PDE1A: variants seen among roughly 807,000 people sequenced by gnomAD.
The protein encoded by PDE1A is dual specificity calcium/calmodulin-dependent 3',5'-cyclic nucleotide phosphodiesterase 1A.
PDE1A carries 35 observed loss-of-function variants against 61.7 expected under a neutral mutation model. The ratio of observed to expected loss-of-function variants is 0.57; its 90% confidence interval spans 0.43 to 0.75. The LOEUF (loss-of-function observed/expected upper bound fraction) is 0.75. Among genes scored for constraint, PDE1A ranks in the 30% least tolerant of loss-of-function variants. PDE1A has a pLI of 0.00. For synonymous variants in PDE1A, 232 were observed against 213.2 expected (o/e 1.09, Z -0.77); for missense variants, 597 against 630.6 (o/e 0.95, Z 0.57).
In PDE1A at chr2:182,334,267, GAC is replaced by G. The variant is rs552771675; in HGVS notation, c.54-69855_54-69854del. ...AATCCTGATACCAAACCCTGGAAGA[GAC>G]ACACACACACACACACACACATGCA... On this transcript the variant is annotated intron_variant, in intron 1 of 13. Transcript: ENST00000351439. Among the ~76,000 whole-genome samples the G allele has an allele frequency of 1.3e-3, 187 of 145,766 alleles. 1 individual carries two copies. Among genetic ancestry groups the G allele is most frequent in the African/African-American group, 4.5e-3 (176 of 39,512 alleles).
chr2:182,343,087 C>T (rs1698301806), intron 1 of PDE1A, among the ~76,000 whole-genome samples: 1 of 152,144 alleles, frequency 6.6e-6, no homozygotes, highest in African/African-American at 2.4e-5. Context: ...GTCTTATATA[C>T]AAATAGGCCC....
chr2:182,247,610 T>A (rs908420182), intron 2 of PDE1A, among the ~76,000 whole-genome samples: 4 of 152,210 alleles, frequency 2.6e-5, no homozygotes, highest in Non-Finnish European at 4.4e-5. Flanking sequence ...CATGAGCAGC[T>A]CCTCAAGTTT....
intron 2 of PDE1A, chr2:182,241,704 T>C: frequency 9.0e-6 from 6 of 664,766 alleles, no homozygotes; most frequent in Non-Finnish European, 1.1e-5. Context: ...AAATACCTTA[T>C]AAAAAATAAA....
At chr2:182,600,997 G>T in the PDE1A span, among the ~76,000 whole-genome samples, 1 of 152,196 alleles carries the variant, frequency 6.6e-6, no homozygotes, top group South Asian at 2.1e-4. Context: ...AATAATAAAA[G>T]AATATGGTCC....
the PDE1A span, among the ~76,000 whole-genome samples, chr2:182,704,318 G>A: frequency 5.3e-5 from 8 of 151,634 alleles, no homozygotes; most frequent in Non-Finnish European, 5.9e-5. Flanking sequence ...CTCAAGTCAC[G>A]AAGTTGCTGC....
chr2:182,643,720 C>A, the PDE1A span, among the ~76,000 whole-genome samples: 1 of 152,070 alleles, frequency 6.6e-6, no homozygotes, highest in Non-Finnish European at 1.5e-5. Context: ...GGTCCAGAAA[C>A]AATGGCTACT....
At chr2:182,600,269 G>T in the PDE1A span, among the ~76,000 whole-genome samples, 3 of 152,016 alleles carry the variant, frequency 2.0e-5, no homozygotes, top group East Asian at 5.8e-4. Flanking sequence ...TTTCTGAAAG[G>T]TTTTTTTCAG....
At chr2:182,417,939 A>G (rs375604084) in intron 1 of PDE1A, among the ~76,000 whole-genome samples, 11 of 152,334 alleles carry the variant, frequency 7.2e-5, no homozygotes, top group African/African-American at 2.2e-4. Flanking sequence ...TAAACGTTAT[A>G]TAATTTGCAG....
At chr2:182,171,662 A>T in intron 13 of PDE1A, among the ~76,000 whole-genome samples, 1 of 151,590 alleles carries the variant, frequency 6.6e-6, no homozygotes, top group Non-Finnish European at 1.5e-5. Context: ...AGCGGGGCTA[A>T]TTATTGGGGG....
At chr2:182,418,935 G>A (rs186996559) in intron 1 of PDE1A, among the ~76,000 whole-genome samples, 8 of 152,202 alleles carry the variant, frequency 5.3e-5, no homozygotes, top group South Asian at 2.1e-4. Context: ...ACCCACGGGC[G>A]CAGATCATTT....
chr2:182,208,129 C>A (rs1446985868), intron 7 of PDE1A, among the ~76,000 whole-genome samples: 1 of 152,118 alleles, frequency 6.6e-6, no homozygotes, highest in Admixed American at 6.5e-5. Flanking sequence ...TCCCCATAGT[C>A]CTCACTGGGG....
At chr2:182,675,802 T>C in the PDE1A span, among the ~76,000 whole-genome samples, 1 of 152,068 alleles carries the variant, frequency 6.6e-6, no homozygotes, top group East Asian at 1.9e-4. Flanking sequence ...GTTAATGGGG[T>C]TGTTTTTCTC....
In PDE1A at chr2:182,504,876, A is replaced by G. The variant is rs564043455; in HGVS notation, c.101+17400T>C. Among the ~76,000 whole-genome samples, 3 of 152,372 alleles carry G rather than the reference A, an allele frequency of 2.0e-5. No homozygotes were observed. The South Asian group carries it at 6.2e-4, about 32-fold the overall frequency. ...GTAAAAATGAAACTTGAGAAATGTT[A>G]AAATTGTTCAATTACATTGGAAAAC... is the stretch of plus-strand genomic sequence containing the variant. On this transcript the variant is annotated intron_variant, in intron 2 of 14. Transcript: ENST00000410103.
intron 2 of PDE1A, among the ~76,000 whole-genome samples, chr2:182,517,330 C>A (rs1000748419): frequency 3.3e-5 from 5 of 152,210 alleles, no homozygotes; most frequent in African/African-American, 1.2e-4. Flanking sequence ...AAACACCCTT[C>A]CATCTTCTCC....
rs896639807 is a variant in PDE1A, at chr2:182,469,934, T to G, written c.101+52342A>C. Among the ~76,000 whole-genome samples the G allele has an allele frequency of 2.0e-5, 3 of 151,850 alleles. No homozygotes were observed. The Admixed American group carries it at 2.0e-4, about 10-fold the overall frequency. Reference sequence around the variant, plus strand: ...GAACACATGTAACATTTAAGTTCTCTGTCTTATTTACATGTGGTTGGTGCC... The same window carrying G: ...GAACACATGTAACATTTAAGTTCTCGGTCTTATTTACATGTGGTTGGTGCC... On this transcript the variant is annotated intron_variant, in intron 2 of 14. Coordinates refer to the PDE1A transcript ENST00000410103.
chr2:182,646,309 G>C, the PDE1A span, among the ~76,000 whole-genome samples: 3 of 150,382 alleles, frequency 2.0e-5, no homozygotes, highest in African/African-American at 7.4e-5. Context: ...AAAAAAAAAT[G>C]GGCATAGTGG....
intron 1 of PDE1A, among the ~76,000 whole-genome samples, chr2:182,390,548 C>T (rs1192248933): frequency 6.6e-6 from 1 of 152,114 alleles, no homozygotes; most frequent in African/African-American, 2.4e-5. Context: ...ATTCCTGGCT[C>T]CAGAAGCATA....
At chr2:182,193,042 C>T (rs1314035208) in intron 10 of PDE1A, among the ~76,000 whole-genome samples, 1 of 151,986 alleles carries the variant, frequency 6.6e-6, no homozygotes, top group Non-Finnish European at 1.5e-5. Flanking sequence ...GGCTGGAGTG[C>T]AGTAGCATGG....
chr2:182,527,911 CCT>C (rs1242265426), upstream of PDE1A, among the ~76,000 whole-genome samples: 2 of 152,074 alleles, frequency 1.3e-5, no homozygotes, highest in African/African-American at 4.8e-5. Flanking sequence ...GTGACTTTCG[CCT>C]TCCACCACGA....
Sources: gnomAD v4.1 joint callset for allele counts (sites outside exome capture counted in the v4.1 genomes callset) on GRCh38, gnomAD v4.1.1 for gene constraint, MANE v1.5 for transcripts, NCBI Gene and HGNC (gene_info 2026-07-23, HGNC 2026-07-21) for gene names.